The following GGH variants were observed in gnomAD, a reference collection of about 807,000 sequenced individuals.
GGH encodes gamma-glutamyl hydrolase.
GGH carries 18 observed loss-of-function variants against 39.2 expected under a neutral mutation model. That is an observed-to-expected ratio of 0.46 (90% CI 0.32 to 0.68). The LOEUF is 0.68. Among genes scored for constraint, GGH ranks in the 30% least tolerant of loss-of-function variants. The pLI, the probability that GGH is intolerant of heterozygous loss-of-function variation, is 0.04. For missense variants in GGH, 367 were observed against 384.1 expected, an observed-to-expected ratio of 0.96 and a Z score of 0.37; for synonymous variants, 147 against 138.8, an observed-to-expected ratio of 1.06 and a Z score of -0.42.
intron 1 of GGH, among the ~76,000 whole-genome samples, chr8:63,038,276 G>A (rs1032396644): frequency 1.3e-5 from 2 of 152,134 alleles, no homozygotes; most frequent in African/African-American, 4.8e-5. Context: ...AATACATTTT[G>A]ATGAATGCAA....
intron 1 of GGH, among the ~76,000 whole-genome samples, chr8:63,036,167 C>T (rs1382469858): frequency 6.6e-6 from 1 of 152,148 alleles, no homozygotes; most frequent in Non-Finnish European, 1.5e-5. Flanking sequence ...ATCTTCCATC[C>T]ACACCTCTCC....
chr8:63,027,115 A>C (rs1054668599), intron 4 of GGH, 66 bp downstream of exon 4: 4 of 814,702 alleles, frequency 4.9e-6, no homozygotes, highest in Non-Finnish European at 8.8e-6. Context: ...CTGCTTAAAA[A>C]ATGAACCACT....
At chr8:63,017,751 G>T (rs1804513491) in intron 7 of GGH, 121 bp from the exon 8 acceptor site, 4 of 589,488 alleles carry the variant, frequency 6.8e-6, no homozygotes, top group Non-Finnish European at 1.2e-5. Flanking sequence ...AGGTAAAATT[G>T]TACATATTCT....
intron 8 of GGH, among the ~76,000 whole-genome samples, chr8:63,017,058 G>A (rs1379272721): frequency 6.6e-6 from 1 of 152,172 alleles, no homozygotes; most frequent in African/African-American, 2.4e-5. Flanking sequence ...TGGTGTGGTA[G>A]TCTGCACCTG....
intron 7 of GGH, among the ~76,000 whole-genome samples, chr8:63,019,068 T>C (rs1264123332): frequency 6.6e-6 from 1 of 152,134 alleles, no homozygotes; most frequent in Non-Finnish European, 1.5e-5. Context: ...ACGGTGAAGC[T>C]TGGATGGAAG....
intron 2 of GGH, among the ~76,000 whole-genome samples, chr8:63,031,961 C>T (rs979034005): frequency 3.3e-5 from 5 of 152,078 alleles, no homozygotes; most frequent in African/African-American, 1.2e-4. Flanking sequence ...GAGTGTTTGC[C>T]CCATTTAAAA....
intron 7 of GGH, among the ~76,000 whole-genome samples, chr8:63,021,614 T>C (rs1031153122): frequency 1.3e-5 from 2 of 150,342 alleles, no homozygotes; most frequent in Non-Finnish European, 3.0e-5. Flanking sequence ...CACCAAGCCA[T>C]AAGTGGACAG....
intron 2 of GGH, among the ~76,000 whole-genome samples, chr8:63,033,404 T>C (rs1585673753): frequency 6.6e-6 from 1 of 152,240 alleles, no homozygotes; most frequent in Admixed American, 6.5e-5. Context: ...TGAGAGGCTC[T>C]TGATTACCAT....
chr8:63,033,206 T>C (rs1421214080), intron 2 of GGH, among the ~76,000 whole-genome samples: 2 of 152,258 alleles, frequency 1.3e-5, no homozygotes, highest in Non-Finnish European at 2.9e-5. Flanking sequence ...GGTGGTACAC[T>C]GTAACAGTTG....
chr8:63,017,736 A>G (rs1804513377), intron 7 of GGH, 106 bp from the exon 8 acceptor site: 1 of 649,802 alleles, frequency 1.5e-6, no homozygotes, highest in Admixed American at 2.9e-5. Flanking sequence ...TCACCTTATC[A>G]GACAAGGTAA....
At chr8:63,029,826 A>G (rs973866300) in intron 3 of GGH, among the ~76,000 whole-genome samples, 1 of 152,080 alleles carries the variant, frequency 6.6e-6, no homozygotes, top group Non-Finnish European at 1.5e-5. Flanking sequence ...CAGACTTTGG[A>G]CTTATAAACC....
chr8:63,022,384 A>C (rs1804604615), intron 7 of GGH, among the ~76,000 whole-genome samples: 1 of 152,116 alleles, frequency 6.6e-6, no homozygotes, highest in South Asian at 2.1e-4. Context: ...TTTACCCTCC[A>C]GATTCCAACC....
chr8:63,028,137 C>T (rs1402859415), intron 3 of GGH: 7 of 151,990 alleles, frequency 4.6e-5, no homozygotes, highest in Non-Finnish European at 1.5e-5. Context: ...GAGCTAGACT[C>T]GACTTGCCTG....
At chr8:63,019,452 T>C (rs572671438) in intron 7 of GGH, among the ~76,000 whole-genome samples, 35 of 152,152 alleles carry the variant, frequency 2.3e-4, no homozygotes, top group Admixed American at 3.9e-4. Flanking sequence ...GGGATCAAGA[T>C]CCTAGAGCAT....
chr8:63,030,021 T>C (rs1043827791), intron 3 of GGH, 146 bp downstream of exon 3: 19 of 463,136 alleles, frequency 4.1e-5, no homozygotes, highest in Middle Eastern at 4.7e-4. Flanking sequence ...AGAAAATAAA[T>C]CCTATAAAAG....
chr8:63,026,607 G>A (rs1369755818), intron 4 of GGH, among the ~76,000 whole-genome samples: 1 of 152,218 alleles, frequency 6.6e-6, no homozygotes, highest in Non-Finnish European at 1.5e-5. Flanking sequence ...TTAGGGAAAT[G>A]TGTAAGGGGG....
chr8:63,016,212 A>G (rs572244254), intron 8 of GGH, among the ~76,000 whole-genome samples: 119 of 152,302 alleles, frequency 7.8e-4, no homozygotes, highest in African/African-American at 2.8e-3. Context: ...CATAGACCAA[A>G]TGCCACATGA....
chr8:63,017,935 A>G (rs898693954), intron 7 of GGH: 5 of 234,726 alleles, frequency 2.1e-5, no homozygotes, highest in African/African-American at 1.1e-4. Context: ...TGCACATTTT[A>G]TTGGTGATAC....
At chr8:63,030,319 T>A in intron 2 of GGH, 102 bp from the exon 3 acceptor site, 1 of 637,176 alleles carries the variant, frequency 1.6e-6, no homozygotes, top group Non-Finnish European at 2.9e-6. Flanking sequence ...AAAACAAATT[T>A]TTAATTACTA....
Sources: allele counts gnomAD v4.1 joint callset (sites outside exome capture counted in the v4.1 genomes callset), GRCh38; gene constraint gnomAD v4.1.1; transcripts MANE v1.5; gene names NCBI Gene and HGNC (gene_info 2026-07-23, HGNC 2026-07-21).